The following RLIM variants were observed in gnomAD, a reference collection of about 807,000 sequenced individuals.
The protein encoded by RLIM is ring finger protein, LIM domain interacting.
A neutral mutation model predicts 34.0 loss-of-function variants in RLIM; 2 were observed. The ratio of observed to expected loss-of-function variants is 0.06; its 90% CI spans 0.02 to 0.19. The LOEUF is 0.19. Among genes scored for constraint, RLIM ranks in the 10% least tolerant of loss-of-function variants. The pLI is 1.00. For missense variants in RLIM, 286 were observed against 479.7 expected, an observed-to-expected ratio of 0.60 and a Z score of 3.77; for synonymous variants, 169 against 164.0, an observed-to-expected ratio of 1.03 and a Z score of -0.23.
intron 1 of RLIM, among the ~76,000 whole-genome samples, chrX:74,610,528 C>G (rs1422273423): frequency 1.8e-5 from 2 of 108,218 alleles, no homozygotes; most frequent in Non-Finnish European, 3.8e-5. Flanking sequence ...AGCAAAAATA[C>G]CAACTATATA....
chrX:74,603,969 C>T (rs1375818784), intron 1 of RLIM, among the ~76,000 whole-genome samples: 2 of 109,664 alleles, frequency 1.8e-5, no homozygotes, highest in Non-Finnish European at 3.8e-5. Flanking sequence ...ATTAGCCGGA[C>T]GTGGTAGCAG....
chrX:74,583,295 A>T lies in RLIM; in HGVS notation c.*8145T>A. ...GAGTAGGGTGCATGGCTTGAATAAG[A>T]GGAAACAGCCATTCACCCAACATTT... On this transcript the variant is annotated 3_prime_UTR_variant, in exon 4 of 4. Coordinates refer to ENST00000332687, the MANE Select transcript of RLIM (RefSeq NM_016120.4). 2.0e-6 allele frequency: 2 copies of T among 1,003,355 alleles called. No homozygotes were observed. Among genetic ancestry groups the T allele is most frequent in the Non-Finnish European group, 2.8e-6 (2 of 703,928 alleles). The allele number at this position is 1,003,355 out of a possible 1,213,427, so 82.7% of individuals were successfully genotyped here.
At chrX:74,606,145 T>C (rs980356481) in intron 1 of RLIM, among the ~76,000 whole-genome samples, 2 of 112,528 alleles carry the variant, frequency 1.8e-5, no homozygotes, top group Non-Finnish European at 3.7e-5. Flanking sequence ...AGCACAAACC[T>C]AGATGGACTT....
chrX:74,607,543 CTACAAAAA>C (rs1244612379), intron 1 of RLIM, among the ~76,000 whole-genome samples: 2 of 112,740 alleles, frequency 1.8e-5, no homozygotes, highest in Non-Finnish European at 3.7e-5. Flanking sequence ...AACCCTGTCT[CTACAAAAA>C]TACAAAAATT....
At position 74,583,575 on chromosome X, in the gene RLIM, A is replaced by C; in HGVS notation, c.*7865T>G. On this transcript the variant is annotated 3_prime_UTR_variant, in exon 4 of 4. Transcript: ENST00000332687. ...CAAATTTTTATTCCAGTCTATTTTG[A>C]GACTTCTGGAAATAAAACACCTTGA... 6.1e-6 allele frequency: 3 copies of C among 489,452 alleles called. No homozygotes were observed. The highest frequency in any genetic ancestry group is 1.1e-5 in the Non-Finnish European group (3 of 272,517). 40.3% of individuals were successfully genotyped at this position (489,452 alleles called of 1,213,427 possible). A position where few individuals can be genotyped will look rare whatever the true frequency, so the allele number is the denominator to read the frequency against.
At chrX:74,593,162 T>C in intron 3 of RLIM, 101 bp from the exon 4 acceptor site, 1 of 849,854 alleles carries the variant, frequency 1.2e-6, no homozygotes, top group Non-Finnish European at 1.6e-6. Context: ...ACTTAAAAAT[T>C]CGGAACACAT....
rs2147372852 is a variant in RLIM at position 74,592,927 on chromosome X, G to T, written c.388C>A (p.Pro130Thr). 1 of 1,211,342 alleles carries T rather than the reference G, an allele frequency of 8.3e-7. No homozygotes were observed. Among genetic ancestry groups the T allele is most frequent in the Non-Finnish European group, 1.1e-6 (1 of 895,249 alleles). ...CTGAATCTGAAATCACCACTGTTTG[G>T]ATTAGTCCGACTCACTGCTCTCCAA... The part of the protein sequence containing the change: ...QSWRAVSRTN[P>T]NSGDFRFSLE... The change falls in exon 4 of 4, where the codon CCA (proline) becomes ACA (threonine). Residue 130 changes from proline to threonine, a missense_variant. Pro to Thr is a conservative substitution (Grantham distance 38). Around this residue, in one of 6 missense-constraint regions of RLIM, gnomAD observed 8 missense variants for 34.0 expected, o/e 0.24. Coordinates refer to ENST00000332687, the MANE Select transcript of RLIM (RefSeq NM_016120.4).
rs1931316182 is a variant in RLIM, at chrX:74,585,179, C to G, written c.*6261G>C. ...GCAATGGCGAGAATACAAGAAACAG[C>G]AAAGATGCGCCTACTTAAAATGTCA... On this transcript the variant is annotated 3_prime_UTR_variant, in exon 4 of 4. Coordinates refer to ENST00000332687, the MANE Select transcript of RLIM (RefSeq NM_016120.4). 8.9e-6 allele frequency: 1 copy of G among 112,283 alleles called. No homozygotes were observed. Among genetic ancestry groups the G allele is most frequent in the African/African-American group, 3.2e-5 (1 of 30,879 alleles). The allele number at this position is 112,283 out of a possible 1,213,427, so 9.3% of individuals were successfully genotyped here. A position where few individuals can be genotyped will look rare whatever the true frequency, so the allele number is the denominator to read the frequency against.
intron 2 of RLIM, 36 bp from the exon 3 acceptor site, chrX:74,594,425 G>C (rs1219030238): frequency 1.1e-6 from 1 of 938,374 alleles, no homozygotes; most frequent in South Asian, 2.5e-5. Context: ...GATGACATTA[G>C]GGGTATGACA....
At position 74,583,578 on chromosome X, in the gene RLIM, C is replaced by T. The variant is rs1931271584; in HGVS notation, c.*7862G>A. On this transcript the variant is annotated 3_prime_UTR_variant, in exon 4 of 4. Coordinates refer to ENST00000332687, the MANE Select transcript of RLIM (RefSeq NM_016120.4). ...ATTTTTATTCCAGTCTATTTTGAGACTTCTGGAAATAAAACACCTTGATAC... is the reference window on the plus strand; with the variant it reads ...ATTTTTATTCCAGTCTATTTTGAGATTTCTGGAAATAAAACACCTTGATAC... The T allele has an allele frequency of 2.3e-5, 11 of 487,234 alleles. No individual in the cohort carries two copies. In the South Asian group the frequency reaches 2.8e-4, roughly 13 times the overall value. The allele number at this position is 487,234 out of a possible 1,213,427, so 40.2% of individuals were successfully genotyped here. A position where few individuals can be genotyped will look rare whatever the true frequency, so the allele number is the denominator to read the frequency against.
At chrX:74,596,072 A>G (rs1158305066) in intron 1 of RLIM, 72 bp from the exon 2 acceptor site, 1 of 644,027 alleles carries the variant, frequency 1.6e-6, no homozygotes, top group Non-Finnish European at 2.2e-6. Context: ...TAATTATGTG[A>G]AAATCCAGAA....
Position 74,586,481 on chromosome X carries a change from T to C in RLIM, c.*4959A>G, listed in dbSNP as rs2079587572. The C allele has an allele frequency of 8.9e-6, 1 of 112,367 alleles. No homozygotes were observed. Among genetic ancestry groups the C allele is most frequent in the Non-Finnish European group, 1.9e-5 (1 of 53,313 alleles). 9.3% of individuals were successfully genotyped at this position (112,367 alleles called of 1,213,427 possible). A position where few individuals can be genotyped will look rare whatever the true frequency, so the allele number is the denominator to read the frequency against. On this transcript the variant is annotated 3_prime_UTR_variant, in exon 4 of 4. Coordinates refer to ENST00000332687, the MANE Select transcript of RLIM (RefSeq NM_016120.4). ...AATCCTAATAAAAATAAATAATTTT[T>C]AGAATGTTGGAGGGTATGCCTATTT...
intron 2 of RLIM, 42 bp from the exon 3 acceptor site, chrX:74,594,431 T>G: frequency 1.1e-6 from 1 of 903,158 alleles, no homozygotes; most frequent in Non-Finnish European, 1.6e-6. Flanking sequence ...ATTAGGGGTA[T>G]GACAATCAAA....
Position 74,584,681 on chromosome X carries a change from A to G in RLIM, c.*6759T>C, listed in dbSNP as rs914175802. ...AGCCTTGACCTCCCGGGCTCAAGTG[A>G]TTCTACCACCTCAGCCTCCCAAGTA... On this transcript the variant is annotated 3_prime_UTR_variant, in exon 4 of 4. Transcript: ENST00000332687. Among the ~76,000 whole-genome samples the G allele has an allele frequency of 1.1e-4, 12 of 110,981 alleles. No homozygotes were observed. Among genetic ancestry groups the G allele is most frequent in the Non-Finnish European group, 2.3e-4 (12 of 53,003 alleles).
chrX:74,603,695 A>G (rs1411762512), intron 1 of RLIM, among the ~76,000 whole-genome samples: 4 of 111,864 alleles, frequency 3.6e-5, no homozygotes, highest in Non-Finnish European at 7.5e-5. Flanking sequence ...CACAGTCCAA[A>G]AGAGATACAA....
intron 1 of RLIM, among the ~76,000 whole-genome samples, chrX:74,598,648 G>A (rs958525204): frequency 6.5e-5 from 7 of 108,479 alleles, no homozygotes; most frequent in Admixed American, 2.0e-4. Context: ...GTGTGGTGGC[G>A]GGCGCCTGTA....
chrX:74,604,409 T>C (rs1263365237), intron 1 of RLIM, among the ~76,000 whole-genome samples: 2 of 111,781 alleles, frequency 1.8e-5, no homozygotes, highest in East Asian at 2.8e-4. Flanking sequence ...ATGGCTACCA[T>C]ATTGGGCAGC....
At chrX:74,606,795 G>GAAAT (rs1269297333) in intron 1 of RLIM, among the ~76,000 whole-genome samples, 1 of 111,465 alleles carries the variant, frequency 9.0e-6, no homozygotes, top group Non-Finnish European at 1.9e-5. Context: ...AACACCAAGT[G>GAAAT]AAATGCCTGT....
chrX:74,594,276 A>G, intron 3 of RLIM, 30 bp downstream of exon 3: 1 of 1,089,234 alleles, frequency 9.2e-7, no homozygotes, highest in Non-Finnish European at 1.2e-6. Context: ...CCCATCGTCT[A>G]TCCACCTCCC....
Sources: allele counts gnomAD v4.1 joint callset (sites outside exome capture counted in the v4.1 genomes callset), GRCh38; gene constraint gnomAD v4.1.1; regional missense constraint gnomAD v4.1.1; transcripts MANE v1.5; gene names NCBI Gene and HGNC (gene_info 2026-07-23, HGNC 2026-07-21).